Variants in NOS1AP observed in about 807,000 individuals in gnomAD.
NOS1AP encodes the protein nitric oxide synthase 1 adaptor protein.
Under a neutral mutation model 56.2 loss-of-function variants are expected in NOS1AP, and 21 were observed. The observed-to-expected ratio is 0.37, with a 90% CI of 0.26 to 0.54. NOS1AP has a LOEUF of 0.54. Ranked by LOEUF, NOS1AP falls within the 20% of genes least tolerant of loss-of-function variation. The probability of loss-of-function intolerance (pLI) is 0.84; values close to 1 mark genes in which losing one functional copy is unlikely to be tolerated. For synonymous variants in NOS1AP, 270 were observed against 274.6 expected (o/e 0.98, Z 0.17); for missense variants, 522 against 657.8 (o/e 0.79, Z 2.26).
At chr1:162,074,780 G>A (rs1157351160) in intron 1 of NOS1AP, among the ~76,000 whole-genome samples, 2 of 152,176 alleles carry the variant, frequency 1.3e-5, no homozygotes, top group African/African-American at 4.8e-5. Flanking sequence ...AGCTAGGCTG[G>A]AATGTTCAAG....
intron 2 of NOS1AP, among the ~76,000 whole-genome samples, chr1:162,233,585 T>G (rs767711859): frequency 1.3e-5 from 2 of 152,228 alleles, no homozygotes; most frequent in African/African-American, 4.8e-5. Context: ...GAAGAAACCC[T>G]ATACCCAATA....
chr1:162,113,102 G>A (rs1385015086), intron 1 of NOS1AP, among the ~76,000 whole-genome samples: 1 of 152,122 alleles, frequency 6.6e-6, no homozygotes, highest in Admixed American at 6.5e-5. Flanking sequence ...GGTTACTGAG[G>A]GAGTTAAGTT....
At chr1:162,118,788 G>A (rs1371073911) in intron 1 of NOS1AP, among the ~76,000 whole-genome samples, 2 of 152,192 alleles carry the variant, frequency 1.3e-5, no homozygotes, top group Non-Finnish European at 2.9e-5. Flanking sequence ...ACCCAGGGCT[G>A]TGCAAGAGAT....
chr1:162,137,715 C>T lies in NOS1AP; in HGVS notation c.106-16690C>T, dbSNP rs931434842. Reference sequence around the variant, plus strand: ...TCATGCCTTGTCTCCTGTGTGGTTGCTCAGGGTCTCCCTTGAGCCTTCAGT... The same window carrying T: ...TCATGCCTTGTCTCCTGTGTGGTTGTTCAGGGTCTCCCTTGAGCCTTCAGT... On this transcript the variant is annotated intron_variant, in intron 1 of 9. Coordinates refer to ENST00000361897, the MANE Select transcript of NOS1AP (RefSeq NM_014697.3). Among the ~76,000 whole-genome samples the T allele has an allele frequency of 2.0e-5, 3 of 152,020 alleles. No individual in the cohort carries two copies. The South Asian group carries it at 6.2e-4, about 32-fold the overall frequency.
At chr1:162,158,578 T>C (rs1346893445) in intron 2 of NOS1AP, among the ~76,000 whole-genome samples, 1 of 152,238 alleles carries the variant, frequency 6.6e-6, no homozygotes, top group Non-Finnish European at 1.5e-5. Context: ...CTGTTTTCCA[T>C]AATGACTATC....
At chr1:162,173,806 A>G (rs1571097785) in intron 2 of NOS1AP, among the ~76,000 whole-genome samples, 1 of 152,382 alleles carries the variant, frequency 6.6e-6, no homozygotes, top group East Asian at 1.9e-4. Context: ...CAAAAGACAC[A>G]TGAAAAAATG....
At chr1:162,300,774 T>C in intron 4 of NOS1AP, 68 bp downstream of exon 4, 1 of 1,399,186 alleles carries the variant, frequency 7.1e-7, no homozygotes, top group South Asian at 1.2e-5. Context: ...TACAGCCACC[T>C]GTCAGGCTGG....
At position 162,316,276 on chromosome 1, in the gene NOS1AP, T is replaced by C. The variant is rs115636390; in HGVS notation, c.344+15570T>C. ...ATAACAAGCAGCACACAAATAATAC[T>C]AAAAAGACAGCATCGCAGTTGAGAA... is the stretch of plus-strand genomic sequence containing the variant. On this transcript the variant is annotated intron_variant, in intron 4 of 9. Transcript: ENST00000361897. Among the ~76,000 whole-genome samples, 794 of 152,284 alleles carry C rather than the reference T, an allele frequency of 5.2e-3. 9 individuals carry two copies. Among genetic ancestry groups the C allele is most frequent in the African/African-American group, 0.018 (761 of 41,562 alleles).
intron 1 of NOS1AP, among the ~76,000 whole-genome samples, chr1:162,120,242 G>A (rs1056170754): frequency 6.6e-6 from 1 of 151,752 alleles, no homozygotes; most frequent in South Asian, 2.1e-4. Context: ...AATATTTTTT[G>A]CATTATATCT....
At chr1:162,357,208 G>A (rs779853357) in intron 8 of NOS1AP, 72 bp downstream of exon 8, 28 of 1,559,546 alleles carry the variant, frequency 1.8e-5, no homozygotes, top group Non-Finnish European at 2.4e-5. Flanking sequence ...CTAGCGAGGG[G>A]CTCAGGGCAG....
chr1:162,125,624 T>G (rs570546466), intron 1 of NOS1AP, among the ~76,000 whole-genome samples: 1 of 152,328 alleles, frequency 6.6e-6, no homozygotes, highest in East Asian at 1.9e-4. Flanking sequence ...TTCTGTTCCA[T>G]TGATGTGTGT....
intron 2 of NOS1AP, among the ~76,000 whole-genome samples, chr1:162,247,732 G>A (rs1653713631): frequency 6.6e-6 from 1 of 152,114 alleles, no homozygotes; most frequent in Non-Finnish European, 1.5e-5. Context: ...TACTGTGCCA[G>A]AGAGCCTTTC....
chr1:162,122,578 GCTCACTGCAAC>G (rs916398229), intron 1 of NOS1AP, among the ~76,000 whole-genome samples: 2 of 151,272 alleles, frequency 1.3e-5, no homozygotes, highest in Admixed American at 6.6e-5. Context: ...CATGATCTCG[GCTCACTGCAAC>G]CTCCACCTCC....
intron 6 of NOS1AP, among the ~76,000 whole-genome samples, chr1:162,352,881 A>G (rs1246456154): frequency 6.6e-6 from 1 of 152,178 alleles, no homozygotes; most frequent in Admixed American, 6.5e-5. Context: ...TCCCTACTTG[A>G]CTGTTACACA....
intron 2 of NOS1AP, among the ~76,000 whole-genome samples, chr1:162,200,236 C>T (rs189084470): frequency 1.3e-5 from 2 of 152,170 alleles, no homozygotes; most frequent in Admixed American, 1.3e-4. Context: ...CAGGTATTTG[C>T]ACATGGATAT....
intron 3 of NOS1AP, among the ~76,000 whole-genome samples, chr1:162,292,646 G>A (rs1012909721): frequency 6.6e-6 from 1 of 152,064 alleles, no homozygotes; most frequent in African/African-American, 2.4e-5. Flanking sequence ...GATCTTTTTG[G>A]ACCCCTTTGG....
intron 2 of NOS1AP, among the ~76,000 whole-genome samples, chr1:162,200,639 A>C (rs1357674565): frequency 1.3e-5 from 2 of 152,056 alleles, no homozygotes; most frequent in Non-Finnish European, 2.9e-5. Context: ...GAGTGATATC[A>C]CCCCTGAGGA....
At chr1:162,324,430 T>TG (rs1656519174) in intron 4 of NOS1AP, among the ~76,000 whole-genome samples, 1 of 146,020 alleles carries the variant, frequency 6.8e-6, no homozygotes, top group Non-Finnish European at 1.5e-5. Context: ...TTTTTTTTTT[T>TG]TTTTTTTTTT....
At chr1:162,147,055 C>T (rs968240280) in intron 1 of NOS1AP, among the ~76,000 whole-genome samples, 6 of 152,078 alleles carry the variant, frequency 3.9e-5, no homozygotes, top group South Asian at 2.1e-4. Context: ...CAAGGCCGGG[C>T]GCGGTGGCTC....
Sources: gnomAD v4.1 joint callset for allele counts (sites outside exome capture counted in the v4.1 genomes callset) on GRCh38, gnomAD v4.1.1 for gene constraint, MANE v1.5 for transcripts, NCBI Gene and HGNC (gene_info 2026-07-23, HGNC 2026-07-21) for gene names.